Variants in MTHFD2L observed in about 807,000 individuals in gnomAD.
MTHFD2L encodes the protein methylenetetrahydrofolate dehydrogenase (NADP+ dependent) 2 like, also known as bifunctional methylenetetrahydrofolate dehydrogenase/cyclohydrolase 2, mitochondrial.
A neutral mutation model predicts 34.9 loss-of-function variants in MTHFD2L; 29 were observed. The observed-to-expected ratio is 0.83, with a 90% CI of 0.62 to 1.13. The LOEUF (loss-of-function observed/expected upper bound fraction) is 1.13, where lower values mean the gene tolerates loss of function less well. Among genes scored for constraint, MTHFD2L ranks in the 50% most tolerant of loss-of-function variants. The pLI is 0.00. For missense variants in MTHFD2L, 481 were observed against 446.5 expected (o/e 1.08, Z -0.70); for synonymous variants, 167 against 155.7 (o/e 1.07, Z -0.54).
chr4:74,254,570 A>G, intron 6 of MTHFD2L, among the ~76,000 whole-genome samples: 1 of 93,798 alleles, frequency 1.1e-5, no homozygotes, highest in African/African-American at 3.7e-5. Flanking sequence ...AAAAGAAAGA[A>G]AAAACTCCCC....
intron 1 of MTHFD2L, among the ~76,000 whole-genome samples, chr4:74,172,956 A>G (rs987692288): frequency 3.3e-5 from 5 of 152,226 alleles, no homozygotes; most frequent in Non-Finnish European, 7.3e-5. Flanking sequence ...GGATATTTAT[A>G]GCACCCGCCC....
chr4:74,276,007 T>G (rs1025698118), intron 6 of MTHFD2L, among the ~76,000 whole-genome samples: 2 of 152,118 alleles, frequency 1.3e-5, no homozygotes, highest in African/African-American at 4.8e-5. Context: ...GTGATTTCAT[T>G]GTAAGTCTTT....
At chr4:74,120,752 C>A (rs1016832277), upstream of MTHFD2L, among the ~76,000 whole-genome samples, 3 of 152,206 alleles carry the variant, frequency 2.0e-5, no homozygotes, top group Non-Finnish European at 4.4e-5. Context: ...ACAGTCTTCT[C>A]TTATATACAT....
chr4:74,243,659 A>G (rs868541093), intron 6 of MTHFD2L, among the ~76,000 whole-genome samples: 8 of 152,132 alleles, frequency 5.3e-5, no homozygotes, highest in Admixed American at 3.3e-4. Context: ...ATGTTGCTAA[A>G]TGAATATGAA....
intron 5 of MTHFD2L, among the ~76,000 whole-genome samples, chr4:74,209,322 C>G (rs1427010205): frequency 6.6e-6 from 1 of 152,154 alleles, no homozygotes; most frequent in African/African-American, 2.4e-5. Flanking sequence ...AGGTATTTCT[C>G]CTAATGTTAT....
intron 3 of MTHFD2L, among the ~76,000 whole-genome samples, chr4:74,199,338 C>T (rs1446947105): frequency 6.6e-6 from 1 of 152,002 alleles, no homozygotes; most frequent in African/African-American, 2.4e-5. Flanking sequence ...GCTAAGAACT[C>T]ATGATGTTAT....
chr4:74,157,206 A>G (rs1724351713), upstream of MTHFD2L: 1 of 168,128 alleles, frequency 5.9e-6, no homozygotes, highest in African/African-American at 2.4e-5. Flanking sequence ...ATTCTTATTG[A>G]TATGATTTTA....
At chr4:74,229,929 AC>A (rs1185660501) in intron 6 of MTHFD2L, among the ~76,000 whole-genome samples, 3 of 152,194 alleles carry the variant, frequency 2.0e-5, no homozygotes, top group African/African-American at 7.2e-5. Flanking sequence ...TCATTAGACT[AC>A]AGCAGGTAAA....
At chr4:74,180,952 G>A (rs1327106904) in intron 3 of MTHFD2L, 2 of 176,610 alleles carry the variant, frequency 1.1e-5, no homozygotes, top group Non-Finnish European at 2.5e-5. Flanking sequence ...CTTTTATTGA[G>A]TTATCTGTAT....
At chr4:74,143,652 G>T (rs567219256) in intron 1 of MTHFD2L, among the ~76,000 whole-genome samples, 2 of 152,192 alleles carry the variant, frequency 1.3e-5, no homozygotes, top group South Asian at 4.1e-4. Context: ...GCTTAGAAAA[G>T]AAAATCATTT....
chr4:74,214,992 C>T (rs1043566374), intron 5 of MTHFD2L, among the ~76,000 whole-genome samples: 2 of 151,750 alleles, frequency 1.3e-5, no homozygotes, highest in South Asian at 2.1e-4. Context: ...TTTGTTTACA[C>T]TGTGAGGGGA....
chr4:74,118,302 C>T (rs1721690254), intron 2 of MTHFD2L, among the ~76,000 whole-genome samples: 1 of 152,162 alleles, frequency 6.6e-6, no homozygotes, highest in African/African-American at 2.4e-5. Context: ...CGAAAAAATA[C>T]ATAGGCCTCA....
intron 3 of MTHFD2L, among the ~76,000 whole-genome samples, chr4:74,185,286 T>C (rs779316843): frequency 3.3e-5 from 5 of 151,722 alleles, no homozygotes; most frequent in Non-Finnish European, 5.9e-5. Context: ...GAACTTTTTG[T>C]GAAAATGTAA....
chr4:74,231,864 T>A (rs1444763386), intron 6 of MTHFD2L, among the ~76,000 whole-genome samples: 1 of 152,214 alleles, frequency 6.6e-6, no homozygotes, highest in Non-Finnish European at 1.5e-5. Flanking sequence ...TTGAAAGGCA[T>A]TTTAGTGTGG....
chr4:74,243,560 C>CT (rs796434455), intron 6 of MTHFD2L, among the ~76,000 whole-genome samples: 44 of 147,708 alleles, frequency 3.0e-4, no homozygotes, highest in Non-Finnish European at 4.8e-4. Context: ...TTTTAATAAA[C>CT]TTTTTTTTTT....
chr4:74,232,510 A>T (rs1417418745), intron 6 of MTHFD2L, among the ~76,000 whole-genome samples: 1 of 152,078 alleles, frequency 6.6e-6, no homozygotes, highest in Non-Finnish European at 1.5e-5. Context: ...AGCCTAAGTT[A>T]CTAAGTAAGC....
At chr4:74,224,920 A>G (rs1328651171) in intron 5 of MTHFD2L, among the ~76,000 whole-genome samples, 2 of 152,038 alleles carry the variant, frequency 1.3e-5, no homozygotes, top group Non-Finnish European at 1.5e-5. Flanking sequence ...ATATTGTCCC[A>G]TTTTTTGTTC....
intron 6 of MTHFD2L, among the ~76,000 whole-genome samples, chr4:74,240,946 T>C (rs1430160706): frequency 6.6e-6 from 1 of 152,196 alleles, no homozygotes; most frequent in Admixed American, 6.5e-5. Context: ...ATTAAATGGA[T>C]AAATCATGTA....
At chr4:74,294,515 CT>C in intron 7 of MTHFD2L, among the ~76,000 whole-genome samples, 1 of 152,156 alleles carries the variant, frequency 6.6e-6, no homozygotes, top group South Asian at 2.1e-4. Context: ...CACGTACTTT[CT>C]GTTTTATTCT....
Sources: allele counts gnomAD v4.1 joint callset (sites outside exome capture counted in the v4.1 genomes callset), GRCh38; gene constraint gnomAD v4.1.1; transcripts MANE v1.5; gene names NCBI Gene and HGNC (gene_info 2026-07-23, HGNC 2026-07-21).